SLIT3: variants seen among roughly 807,000 people sequenced by gnomAD.
SLIT3 encodes slit guidance ligand 3, also known as slit homolog 3 protein.
Under a neutral mutation model 184.0 loss-of-function variants are expected in SLIT3, and 68 were observed. The ratio of observed to expected loss-of-function variants is 0.37; its 90% confidence interval spans 0.30 to 0.45. The LOEUF (loss-of-function observed/expected upper bound fraction) is 0.45, where lower values mean the gene tolerates loss of function less well. Ranked by LOEUF, SLIT3 falls within the 20% of genes least tolerant of loss-of-function variation. The pLI is 1.00. For synonymous variants in SLIT3, 831 were observed against 828.6 expected, an observed-to-expected ratio of 1.00 and a Z score of -0.05; for missense variants, 1,707 against 2,026.0, an observed-to-expected ratio of 0.84 and a Z score of 3.02.
intron 6 of SLIT3, among the ~76,000 whole-genome samples, chr5:168,827,114 A>C (rs1757730798): frequency 6.6e-6 from 1 of 152,180 alleles, no homozygotes; most frequent in African/African-American, 2.4e-5. Context: ...AGGGACTTTT[A>C]ATATCACCTC....
At chr5:169,216,148 A>G (rs2113522012) in intron 3 of SLIT3, among the ~76,000 whole-genome samples, 1 of 152,108 alleles carries the variant, frequency 6.6e-6, no homozygotes, top group East Asian at 1.9e-4. Flanking sequence ...CAAAGTTGTC[A>G]TGACTGGCCT....
chr5:169,028,445 C>T (rs542587970), intron 4 of SLIT3, among the ~76,000 whole-genome samples: 9 of 152,154 alleles, frequency 5.9e-5, no homozygotes, highest in Admixed American at 1.3e-4. Flanking sequence ...GTCTTTGCCA[C>T]GGTTTTCTCA....
At chr5:169,276,284 G>A (rs1017716388) in intron 1 of SLIT3, among the ~76,000 whole-genome samples, 1 of 152,078 alleles carries the variant, frequency 6.6e-6, no homozygotes, top group African/African-American at 2.4e-5. Flanking sequence ...CTGCGACTCT[G>A]CTCACAGCCC....
chr5:168,753,466 C>T (rs1287184162), intron 17 of SLIT3, among the ~76,000 whole-genome samples: 1 of 152,110 alleles, frequency 6.6e-6, no homozygotes, highest in Non-Finnish European at 1.5e-5. Context: ...TGTGTCTGTG[C>T]CTGTTTGTAT....
In SLIT3 at chr5:168,671,086, C is replaced by T. The variant is rs573206377; in HGVS notation, c.4127+112G>A. 129 of 1,195,430 alleles carry T rather than the reference C, an allele frequency of 1.1e-4. 2 individuals carry two copies. Among genetic ancestry groups the T allele is most frequent in the South Asian group, 4.9e-4 (34 of 69,842 alleles). The allele number at this position is 1,195,430 out of a possible 1,614,324, so 74.1% of individuals were successfully genotyped here. A position where few individuals can be genotyped will look rare whatever the true frequency, so the allele number is the denominator to read the frequency against. ...GTTACACTTACACAGATCCTATCTG[C>T]GGTCTGACTGCAACTCCTCCAGCCT... On this transcript the variant is annotated intron_variant, in intron 34 of 35. Transcript: ENST00000519560.
At chr5:169,109,879 G>A (rs970511363) in intron 4 of SLIT3, among the ~76,000 whole-genome samples, 1 of 152,094 alleles carries the variant, frequency 6.6e-6, no homozygotes, top group African/African-American at 2.4e-5. Flanking sequence ...TCCTACCTTT[G>A]TCACATGGTT....
chr5:168,873,143 C>T (rs917745516), intron 5 of SLIT3, among the ~76,000 whole-genome samples: 4 of 152,132 alleles, frequency 2.6e-5, no homozygotes, highest in African/African-American at 9.7e-5. Context: ...TTTTCCCGGC[C>T]AATCTCTCAG....
rs1220181830 is a variant in SLIT3 at position 168,684,113 on chromosome 5, G to C, written c.3556-17C>G. ...AGTGGCCACCTGGAGAAAGCAGCCG[G>C]GGCGTGTTAGTAAGGGCTTACCTGA... is the stretch of plus-strand genomic sequence containing the variant. On this transcript the variant is annotated splice_polypyrimidine_tract_variant and intron_variant, in intron 31 of 35. Transcript: ENST00000519560. The C allele has an allele frequency of 1.3e-6, 2 of 1,568,642 alleles. No individual in the cohort carries two copies. The highest frequency in any genetic ancestry group is 1.7e-6 in the Non-Finnish European group (2 of 1,154,748).
Position 168,724,462 on chromosome 5 carries a change from T to G in SLIT3, c.2293A>C (p.Thr765Pro). ...GCGGACAGCTCTCTGGGCACGGCTG[T>G]TAGGTGGTTTCCTTCCAGGTACCTG... Reference protein sequence around the residue: ...TELYLEGNHLTAVPRELSALR... With the variant: ...TELYLEGNHLPAVPRELSALR... The change falls in exon 21 of 36, where the codon ACA (threonine) becomes CCA (proline). Residue 765 changes from threonine to proline, a missense_variant. Physicochemically the swap from Thr to Pro is conservative, Grantham distance 38. Around this residue, in one of 3 missense-constraint regions of SLIT3, gnomAD observed 1,307 missense variants for 1,511.6 expected, o/e 0.86. Coordinates refer to ENST00000519560, the MANE Select transcript of SLIT3 (RefSeq NM_003062.4). 1 of 1,613,128 alleles carries G rather than the reference T, an allele frequency of 6.2e-7. No individual in the cohort carries two copies. The highest frequency in any genetic ancestry group is 8.5e-7 in the Non-Finnish European group (1 of 1,179,462).
At chr5:169,230,689 G>A (rs1204351094) in intron 3 of SLIT3, among the ~76,000 whole-genome samples, 1 of 152,124 alleles carries the variant, frequency 6.6e-6, no homozygotes, top group African/African-American at 2.4e-5. Flanking sequence ...GGAGGAAATT[G>A]GATAATGCAA....
intron 20 of SLIT3, among the ~76,000 whole-genome samples, chr5:168,738,869 C>A (rs996363959): frequency 2.4e-5 from 3 of 127,192 alleles, no homozygotes; most frequent in African/African-American, 8.8e-5. Context: ...ACCCAGGAGG[C>A]GGGGCTTGCA....
intron 25 of SLIT3, among the ~76,000 whole-genome samples, chr5:168,710,665 G>C (rs1239819202): frequency 2.0e-5 from 3 of 152,184 alleles, no homozygotes; most frequent in South Asian, 4.1e-4. Flanking sequence ...AGAAGTCAGT[G>C]AGGAGATGTG....
intron 20 of SLIT3, among the ~76,000 whole-genome samples, chr5:168,725,708 C>T (rs1763087572): frequency 6.6e-6 from 1 of 152,198 alleles, no homozygotes; most frequent in South Asian, 2.1e-4. Flanking sequence ...GGAGAATCTG[C>T]ATTTCTAATG....
At chr5:169,152,496 G>C (rs950263910) in intron 4 of SLIT3, among the ~76,000 whole-genome samples, 2 of 152,238 alleles carry the variant, frequency 1.3e-5, no homozygotes, top group South Asian at 2.1e-4. Flanking sequence ...CCAGCTCTTC[G>C]GGGGCAAAGT....
intron 4 of SLIT3, among the ~76,000 whole-genome samples, chr5:169,139,941 C>G (rs1038731110): frequency 2.0e-5 from 3 of 152,216 alleles, no homozygotes; most frequent in African/African-American, 7.2e-5. Flanking sequence ...AGCTCAGACA[C>G]TGTAAGTGCA....
intron 26 of SLIT3, among the ~76,000 whole-genome samples, chr5:168,705,695 C>T (rs1250777432): frequency 1.3e-5 from 2 of 152,198 alleles, no homozygotes; most frequent in African/African-American, 4.8e-5. Context: ...AAACAAGTGG[C>T]CTTATCCTGC....
At chr5:169,035,177 G>A (rs1757190355) in intron 4 of SLIT3, among the ~76,000 whole-genome samples, 1 of 151,978 alleles carries the variant, frequency 6.6e-6, no homozygotes, top group Non-Finnish European at 1.5e-5. Context: ...CAAATATTGT[G>A]GATAGACTGT....
At chr5:168,933,417 C>CT (rs1370588623) in intron 4 of SLIT3, among the ~76,000 whole-genome samples, 1 of 152,104 alleles carries the variant, frequency 6.6e-6, no homozygotes, top group African/African-American at 2.4e-5. Flanking sequence ...TGGTATGCAC[C>CT]TGTAGTCCCA....
At chr5:169,034,169 G>A (rs201184975) in intron 4 of SLIT3, among the ~76,000 whole-genome samples, 16 of 152,118 alleles carry the variant, frequency 1.1e-4, no homozygotes, top group Non-Finnish European at 2.4e-4. Flanking sequence ...TATATGGCTT[G>A]TAAATATTTT....
Sources: allele counts gnomAD v4.1 joint callset (sites outside exome capture counted in the v4.1 genomes callset), GRCh38; gene constraint gnomAD v4.1.1; regional missense constraint gnomAD v4.1.1; transcripts MANE v1.5; gene names NCBI Gene and HGNC (gene_info 2026-07-23, HGNC 2026-07-21).